KCP: variants seen among roughly 807,000 people sequenced by gnomAD.
KCP encodes kielin cysteine rich BMP regulator, also known as kielin/chordin-like protein.
KCP carries 194 observed loss-of-function variants against 212.7 expected under a neutral mutation model. That is an observed-to-expected ratio of 0.91 (90% CI 0.81 to 1.03). The LOEUF is 1.03. KCP is among the 50% of genes least tolerant of loss of function. The pLI is 0.00. For missense variants in KCP, 2,080 were observed against 2,162.5 expected (o/e 0.96, Z 0.76); for synonymous variants, 833 against 865.3 (o/e 0.96, Z 0.65).
chr7:128,910,208 G>A (rs987260828), intron 1 of KCP, among the ~76,000 whole-genome samples: 1 of 152,308 alleles, frequency 6.6e-6, no homozygotes, highest in Admixed American at 6.5e-5. Flanking sequence ...CCCTGGCCCC[G>A]TGCCGGCACC....
chr7:128,900,178 G>A (rs1458375366), intron 8 of KCP, among the ~76,000 whole-genome samples: 1 of 152,168 alleles, frequency 6.6e-6, no homozygotes, highest in Non-Finnish European at 1.5e-5. Context: ...CATTCTTGCG[G>A]CACTTTATAC....
intron 38 of KCP, among the ~76,000 whole-genome samples, chr7:128,878,057 T>TC (rs912183922): frequency 7.6e-5 from 11 of 145,552 alleles, no homozygotes; most frequent in Non-Finnish European, 9.0e-5. Context: ...CAAGCCTTCT[T>TC]TTTTTTTTTT....
chr7:128,907,619 AG>A (rs558324048), intron 2 of KCP, among the ~76,000 whole-genome samples, 166 bp from the exon 3 acceptor site: 46 of 152,326 alleles, frequency 3.0e-4, no homozygotes, highest in African/African-American at 1.1e-3. Flanking sequence ...CACCATTCTC[AG>A]GGGGGCACGG....
chr7:128,903,502 G>A, intron 7 of KCP: 1 of 584,422 alleles, frequency 1.7e-6, no homozygotes, highest in Admixed American at 3.2e-5. Context: ...CATTTATTAA[G>A]CTGCACTATG....
At chr7:128,897,568 G>T (rs545879052) in intron 8 of KCP, among the ~76,000 whole-genome samples, 94 of 152,326 alleles carry the variant, frequency 6.2e-4, no homozygotes, top group African/African-American at 2.1e-3. Flanking sequence ...TTTAGTTCAT[G>T]TGACTTAAGT....
intron 6 of KCP, 42 bp from the exon 7 acceptor site, chr7:128,903,862 C>T (rs537671732): frequency 2.8e-5 from 25 of 889,854 alleles, no homozygotes; most frequent in Middle Eastern, 2.4e-4. Context: ...GTCTGGCTCC[C>T]GCAGAGGGCT....
rs1563056839 is a variant in KCP, at chr7:128,908,243, GAAA to G, written c.219+180_219+182del. Among the ~76,000 whole-genome samples, 217 of 87,962 alleles carry G rather than the reference GAAA, an allele frequency of 2.5e-3. 9 individuals are homozygous for G. In the East Asian group the frequency reaches 0.12, roughly 51 times the overall value. 57.7% of individuals were successfully genotyped at this position (87,962 alleles called of 152,430 possible). A position where few individuals can be genotyped will look rare whatever the true frequency, so the allele number is the denominator to read the frequency against. On this transcript the variant is annotated intron_variant, in intron 2 of 39. Transcript: ENST00000610776. ...AGGAGGGAAGGAAAGAAGAAAGGAAGAAAGAAAGAAGAAAGAAAGAAAGAAAGA... is the reference window on the plus strand; with the variant it reads ...AGGAGGGAAGGAAAGAAGAAAGGAAGGAAAGAAGAAAGAAAGAAAGAAAGA...
intron 9 of KCP, 46 bp downstream of exon 9, chr7:128,894,154 C>A: frequency 6.6e-7 from 1 of 1,508,776 alleles, no homozygotes; most frequent in South Asian, 1.3e-5. Context: ...CAATTTTCTC[C>A]AGGTTGCCCA....
At chr7:128,898,775 A>T (rs767280860) in intron 8 of KCP, among the ~76,000 whole-genome samples, 4 of 152,226 alleles carry the variant, frequency 2.6e-5, no homozygotes, top group Admixed American at 6.5e-5. Context: ...TTTGTGAAAA[A>T]TTAATCTTGT....
At chr7:128,887,880 TAC>T (rs909072524) in intron 22 of KCP, among the ~76,000 whole-genome samples, 2 of 95,664 alleles carry the variant, frequency 2.1e-5, no homozygotes, top group African/African-American at 8.3e-5. Context: ...CACACAAACA[TAC>T]ACATAGCCAC....
At chr7:128,894,087 A>AG in intron 9 of KCP, 32 bp from the exon 10 acceptor site, 1 of 1,539,658 alleles carries the variant, frequency 6.5e-7, no homozygotes, top group South Asian at 1.2e-5. Context: ...GATGTTCCTC[A>AG]GGGGCCCCTC....
chr7:128,886,851 G>T, intron 24 of KCP, 25 bp downstream of exon 24: 2 of 1,451,826 alleles, frequency 1.4e-6, no homozygotes, highest in Non-Finnish European at 9.4e-7. Flanking sequence ...GGGCATGGGG[G>T]CCGCGCATGA....
chr7:128,883,810 GGA>G (rs1563023376), intron 29 of KCP, among the ~76,000 whole-genome samples, 190 bp downstream of exon 29: 2 of 152,218 alleles, frequency 1.3e-5, no homozygotes, highest in Non-Finnish European at 1.5e-5. Flanking sequence ...ACCCAGCTGC[GGA>G]GAGGCAAAGG....
At chr7:128,890,779 A>G in intron 20 of KCP, 126 bp downstream of exon 20, 5 of 925,056 alleles carry the variant, frequency 5.4e-6, no homozygotes, top group Non-Finnish European at 6.2e-6. Flanking sequence ...ACCGGACACT[A>G]CATTCCTAAC....
chr7:128,891,750 T>C lies in KCP; in HGVS notation c.1691A>G (p.Glu564Gly). 7.0e-7 allele frequency: 1 copy of C among 1,436,026 alleles called. No homozygotes were observed. The highest frequency in any genetic ancestry group is 9.2e-7 in the Non-Finnish European group (1 of 1,092,196). The allele number at this position is 1,436,026 out of a possible 1,614,324, so 89.0% of individuals were successfully genotyped here. A position where few individuals can be genotyped will look rare whatever the true frequency, so the allele number is the denominator to read the frequency against. The change falls in exon 17 of 40, where the codon GAG (glutamate) becomes GGG (glycine). Residue 564 changes from glutamate (E) to glycine (G), a missense_variant. Coordinates refer to ENST00000610776, the MANE Select transcript of KCP (RefSeq NM_001366122.1). ...SFSHPRDPCQ[E>G]CRCQEGHAHC... ...GGCATGGCCTTCCTGGCATCGGCAC[T>C]CCTGGCAGGGGTCTCGGGGGTGGGA...
intron 22 of KCP, among the ~76,000 whole-genome samples, chr7:128,887,824 TACACACACACAC>T (rs149751415): frequency 1.6e-5 from 2 of 128,722 alleles, no homozygotes; most frequent in Admixed American, 7.5e-5. Flanking sequence ...CACAGCCACA[TACACACACACAC>T]ACACACATAC....
At chr7:128,894,148 T>A in intron 9 of KCP, 52 bp downstream of exon 9, 3 of 1,508,796 alleles carry the variant, frequency 2.0e-6, no homozygotes, top group Middle Eastern at 2.1e-4. Context: ...ACCCATCAAT[T>A]TTCTCCAGGT....
chr7:128,886,749 A>G lies in KCP; in HGVS notation c.2690-12T>C. 6.4e-7 allele frequency: 1 copy of G among 1,550,828 alleles called. No homozygotes were observed. Among genetic ancestry groups the G allele is most frequent in the East Asian group, 2.4e-5 (1 of 40,884 alleles). ...CTGAGAGAGACAGCCTGTGGGGGAC[A>G]CACCTCCTGGGTGGGGGGCCTGTGC... On this transcript the variant is annotated splice_polypyrimidine_tract_variant and intron_variant, in intron 24 of 39. Transcript: ENST00000610776.
intron 1 of KCP, among the ~76,000 whole-genome samples, chr7:128,910,376 G>A (rs1340234490): frequency 6.6e-6 from 1 of 152,322 alleles, no homozygotes; most frequent in Admixed American, 6.5e-5. Context: ...TCCCGCCGCC[G>A]GCTGCAGGAA....
Sources: gnomAD v4.1 joint callset for allele counts (sites outside exome capture counted in the v4.1 genomes callset) on GRCh38, gnomAD v4.1.1 for gene constraint, MANE v1.5 for transcripts, NCBI Gene and HGNC (gene_info 2026-07-23, HGNC 2026-07-21) for gene names.